The following ARHGEF3 variants were observed in gnomAD, a reference collection of about 807,000 sequenced individuals.
The protein encoded by ARHGEF3 is Rho guanine nucleotide exchange factor 3.
Under a neutral mutation model 63.2 loss-of-function variants are expected in ARHGEF3, and 28 were observed. That is an observed-to-expected ratio of 0.44 (90% CI 0.33 to 0.61). ARHGEF3 has a LOEUF of 0.61. Among genes scored for constraint, ARHGEF3 ranks in the 20% least tolerant of loss-of-function variants. The pLI, the probability that ARHGEF3 is intolerant of heterozygous loss-of-function variation, is 0.03. For synonymous variants in ARHGEF3, 266 were observed against 254.2 expected, an observed-to-expected ratio of 1.05 and a Z score of -0.44; for missense variants, 533 against 659.3, an observed-to-expected ratio of 0.81 and a Z score of 2.10.
intron 1 of ARHGEF3, chr3:57,073,506 C>T (rs1706048214): frequency 1.2e-6 from 1 of 866,012 alleles, no homozygotes; most frequent in Admixed American, 3.1e-5. Flanking sequence ...TCTGCAGTAT[C>T]TGGGTGACTG....
intron 1 of ARHGEF3, 94 bp downstream of exon 1, chr3:56,801,609 A>T: frequency 6.9e-7 from 1 of 1,441,902 alleles, no homozygotes; most frequent in South Asian, 1.3e-5. Context: ...GGAAACAGAG[A>T]CAGTGACACT....
intron 3 of ARHGEF3, among the ~76,000 whole-genome samples, chr3:56,900,263 A>C (rs1351891212): frequency 3.0e-4 from 45 of 152,222 alleles, no homozygotes; most frequent in Non-Finnish European, 1.6e-4. Context: ...TGAGAAATCT[A>C]AACACCCTCT....
chr3:56,855,676 C>T (rs997205013), intron 4 of ARHGEF3, among the ~76,000 whole-genome samples: 4 of 146,706 alleles, frequency 2.7e-5, no homozygotes, highest in African/African-American at 1.0e-4. Flanking sequence ...GTGAGACTGT[C>T]TCAAAAAAAA....
At chr3:57,015,090 C>T (rs996471654) in intron 2 of ARHGEF3, among the ~76,000 whole-genome samples, 1 of 152,096 alleles carries the variant, frequency 6.6e-6, no homozygotes, top group Non-Finnish European at 1.5e-5. Flanking sequence ...AGACTAGGGC[C>T]TGAGGGCCAA....
At chr3:57,072,772 C>A (rs892759347) in intron 1 of ARHGEF3, among the ~76,000 whole-genome samples, 1 of 151,084 alleles carries the variant, frequency 6.6e-6, no homozygotes, top group Non-Finnish European at 1.5e-5. Flanking sequence ...ACAAGCCAGG[C>A]GTGGTGGCTC....
At chr3:57,053,991 G>T (rs957276613) in intron 1 of ARHGEF3, among the ~76,000 whole-genome samples, 1 of 152,208 alleles carries the variant, frequency 6.6e-6, no homozygotes, top group African/African-American at 2.4e-5. Context: ...TTGGTGCTCA[G>T]ATGCATTCAC....
At chr3:57,075,071 G>A (rs1706147382) in intron 1 of ARHGEF3, 1 of 167,214 alleles carries the variant, frequency 6.0e-6, no homozygotes. Flanking sequence ...ACAACATTGG[G>A]CTCCATATGC....
At chr3:57,074,337 T>C (rs1706107102) in intron 1 of ARHGEF3, 13 of 1,335,740 alleles carry the variant, frequency 9.7e-6, no homozygotes, top group Non-Finnish European at 1.4e-5. Flanking sequence ...TGCTATGCCC[T>C]CCCTTCCATC....
chr3:56,779,715 C>T (rs1475442908), intron 1 of ARHGEF3, among the ~76,000 whole-genome samples: 3 of 152,218 alleles, frequency 2.0e-5, no homozygotes, highest in African/African-American at 2.4e-5. Context: ...TTTCTTTCAA[C>T]GAATTCCTAC....
At chr3:56,810,314 C>T (rs1289134456) in intron 4 of ARHGEF3, among the ~76,000 whole-genome samples, 1 of 152,068 alleles carries the variant, frequency 6.6e-6, no homozygotes, top group Non-Finnish European at 1.5e-5. Context: ...GAAGCTGAGG[C>T]GGGCAGATCA....
At chr3:56,890,400 C>T (rs1223769186) in intron 3 of ARHGEF3, among the ~76,000 whole-genome samples, 7 of 152,176 alleles carry the variant, frequency 4.6e-5, no homozygotes, top group Non-Finnish European at 7.3e-5. Context: ...TAAAATATTT[C>T]GAACAGAGCC....
chr3:57,062,542 A>G (rs996762270), intron 1 of ARHGEF3, among the ~76,000 whole-genome samples: 1 of 152,216 alleles, frequency 6.6e-6, no homozygotes, highest in African/African-American at 2.4e-5. Flanking sequence ...ATGCTGCATA[A>G]TCTACAATAG....
In ARHGEF3 at chr3:56,728,987, A is replaced by C; in HGVS notation, c.*283T>G. The C allele has an allele frequency of 3.2e-6, 1 of 316,830 alleles. No individual in the cohort carries two copies. Among genetic ancestry groups the C allele is most frequent in the East Asian group, 6.0e-5 (1 of 16,728 alleles). The allele number at this position is 316,830 out of a possible 1,614,324, so 19.6% of individuals were successfully genotyped here. A position where few individuals can be genotyped will look rare whatever the true frequency, so the allele number is the denominator to read the frequency against. The stretch of plus-strand genomic sequence containing the variant: ...TTTGAGATTCTTTTTCTATTTTTTT[A>C]AAATCCAGCAGGACAACTGAAAGTA... On this transcript the variant is annotated 3_prime_UTR_variant, in exon 10 of 10. Coordinates refer to ENST00000296315, the MANE Select transcript of ARHGEF3 (RefSeq NM_019555.3).
intron 1 of ARHGEF3, among the ~76,000 whole-genome samples, chr3:57,056,905 C>T (rs1340620302): frequency 6.6e-6 from 1 of 151,934 alleles, no homozygotes; most frequent in Non-Finnish European, 1.5e-5. Context: ...AACACAAAGG[C>T]TCCTCTTGGC....
At chr3:56,938,518 G>C (rs1458535225) in intron 3 of ARHGEF3, 2 of 152,196 alleles carry the variant, frequency 1.3e-5, no homozygotes, top group East Asian at 3.8e-4. Context: ...AGGAGCAAAA[G>C]ATACCTAATA....
At chr3:56,808,642 A>AT (rs1578570762) in intron 4 of ARHGEF3, among the ~76,000 whole-genome samples, 4 of 137,322 alleles carry the variant, frequency 2.9e-5, no homozygotes, top group East Asian at 2.1e-4. Context: ...GAAATTAGCA[A>AT]ATTTTTTTGT....
chr3:56,864,340 C>T (rs940961000), intron 4 of ARHGEF3, among the ~76,000 whole-genome samples: 5 of 152,250 alleles, frequency 3.3e-5, no homozygotes, highest in African/African-American at 1.2e-4. Context: ...AGGGCCCTTG[C>T]ACATGCTGTT....
chr3:56,882,895 T>C (rs1294130052), intron 3 of ARHGEF3, among the ~76,000 whole-genome samples: 2 of 152,250 alleles, frequency 1.3e-5, no homozygotes, highest in Non-Finnish European at 2.9e-5. Context: ...TGTGTTACTA[T>C]TCTTATGCTT....
At chr3:56,743,169 C>A (rs1281901784) in intron 7 of ARHGEF3, among the ~76,000 whole-genome samples, 2 of 152,210 alleles carry the variant, frequency 1.3e-5, no homozygotes, top group Admixed American at 6.6e-5. Flanking sequence ...GCGACTGCGT[C>A]CCCCATCTGT....
Sources: gnomAD v4.1 joint callset for allele counts (sites outside exome capture counted in the v4.1 genomes callset) on GRCh38, gnomAD v4.1.1 for gene constraint, MANE v1.5 for transcripts, NCBI Gene and HGNC (gene_info 2026-07-23, HGNC 2026-07-21) for gene names.